Variants in ADAP1 observed in about 807,000 individuals in gnomAD.
ADAP1 encodes the protein ArfGAP with dual PH domains 1.
In ADAP1, 31 loss-of-function variants were observed where a neutral mutation model predicts 54.9. The observed-to-expected ratio is 0.56, with a 90% CI of 0.42 to 0.76. The LOEUF (loss-of-function observed/expected upper bound fraction) is 0.76. Ranked by LOEUF, ADAP1 falls within the 30% of genes least tolerant of loss-of-function variation. The pLI, the probability that ADAP1 is intolerant of heterozygous loss-of-function variation, is 0.00. For missense variants in ADAP1, 535 were observed against 512.4 expected, an observed-to-expected ratio of 1.04 and a Z score of -0.42; for synonymous variants, 313 against 202.6, an observed-to-expected ratio of 1.55 and a Z score of -4.63.
rs115174946 is a variant in ADAP1 at position 924,994 on chromosome 7, G to A, written c.305+1559C>T. Reference sequence around the variant, plus strand: ...GAATGAGAGTACGGGGGGCCAGGGCGCCAGGCCTGCCCGGGTGGGAAGGGA... The same window carrying A: ...GAATGAGAGTACGGGGGGCCAGGGCACCAGGCCTGCCCGGGTGGGAAGGGA... On this transcript the variant is annotated intron_variant, in intron 3 of 10. Transcript: ENST00000265846. Among the ~76,000 whole-genome samples the A allele has an allele frequency of 6.7e-3, 1,016 of 152,098 alleles. 11 individuals carry two copies. The highest frequency in any genetic ancestry group is 0.02 in the Middle Eastern group (6 of 294).
chr7:940,035 C>G (rs1284955075), intron 1 of ADAP1, among the ~76,000 whole-genome samples: 1 of 152,090 alleles, frequency 6.6e-6, no homozygotes, highest in Non-Finnish European at 1.5e-5. Context: ...ACAAGGTCCC[C>G]CGGTGTAAAG....
chr7:935,018 C>T (rs2128108692), intron 2 of ADAP1: 1 of 395,474 alleles, frequency 2.5e-6, no homozygotes, highest in South Asian at 1.8e-5. Context: ...CATTCTGTTT[C>T]CTTAGAGACA....
intron 1 of ADAP1, among the ~76,000 whole-genome samples, chr7:947,214 G>GTTTTT (rs373444087): frequency 7.4e-4 from 62 of 84,180 alleles, no homozygotes; most frequent in Non-Finnish European, 1.2e-3. Flanking sequence ...TGATTTTTTG[G>GTTTTT]TTTTTTTTTT....
At chr7:902,006 A>G (rs1303729282) in intron 6 of ADAP1, among the ~76,000 whole-genome samples, 2 of 151,862 alleles carry the variant, frequency 1.3e-5, no homozygotes, top group African/African-American at 4.8e-5. Context: ...GGTGCACTCC[A>G]CGCTGGAGCT....
rs1161717018 is a variant in ADAP1 at position 909,157 on chromosome 7, G to GACC, written c.389-3986_389-3985insGGT. 2.9e-3 allele frequency among the ~76,000 whole-genome samples: 416 copies of GACC among 143,198 alleles called. 103 individuals carry two copies. The highest frequency in any genetic ancestry group is 8.8e-3 in the Admixed American group (126 of 14,358). The allele number at this position is 143,198 out of a possible 152,430, so 93.9% of individuals were successfully genotyped here. On this transcript the variant is annotated intron_variant, in intron 4 of 10. Transcript: ENST00000265846. ...ACAGCAGGCGCCAGCGGGAACCCCGGTCCTCCCGACAGCAGGCGCCAGCGG... is the reference window on the plus strand; with the variant it reads ...ACAGCAGGCGCCAGCGGGAACCCCGGACCTCCTCCCGACAGCAGGCGCCAGCGG...
In ADAP1 at chr7:904,284, T is replaced by C; in HGVS notation, c.502-12A>G. ...TTGGGCTCCTTGGCCTGAGAAGGGG[T>C]GGGGTCTAAGCACCTCACAGGGGCC... On this transcript the variant is annotated splice_polypyrimidine_tract_variant and intron_variant, in intron 5 of 10. Coordinates refer to ENST00000265846, the MANE Select transcript of ADAP1 (RefSeq NM_006869.4). 6.3e-7 allele frequency: 1 copy of C among 1,578,420 alleles called. No individual in the cohort carries two copies. The highest frequency in any genetic ancestry group is 1.2e-5 in the South Asian group (1 of 85,404).
In ADAP1 at chr7:904,229, G is replaced by A. The variant is rs1312754147; in HGVS notation, c.545C>T (p.Ala182Val). Residue 182 changes from alanine (A) to valine (V), a missense_variant, in exon 6 of 11, where the codon GCC (alanine) becomes GTC (valine). Physicochemically the swap from Ala to Val is moderately conservative, Grantham distance 64. Coordinates refer to ENST00000265846, the MANE Select transcript of ADAP1 (RefSeq NM_006869.4). ...KAVMKIEHLN[A>V]TFQPAKIGHP... ...GCCGATCTTGGCCGGCTGGAAGGTG[G>A]CGTTCAGGTGCTCGATCTTCATCAC... 6 of 1,609,874 alleles carry A rather than the reference G, an allele frequency of 3.7e-6. No homozygotes were observed. The highest frequency in any genetic ancestry group is 1.3e-5 in the African/African-American group (1 of 74,838).
In ADAP1 at chr7:940,111, G is replaced by A. The variant is rs148780428; in HGVS notation, c.83-4606C>T. ...TATTTGTGTGTGAGCATATACATAC[G>A]TGCGTGCATACCCACAGACACAACA... On this transcript the variant is annotated intron_variant, in intron 1 of 10. Coordinates refer to ENST00000265846, the MANE Select transcript of ADAP1 (RefSeq NM_006869.4). Among the ~76,000 whole-genome samples, 556 of 152,158 alleles carry A rather than the reference G, an allele frequency of 3.7e-3. 2 individuals carry two copies. Among genetic ancestry groups the A allele is most frequent in the African/African-American group, 0.012 (498 of 41,504 alleles).
At position 954,532 on chromosome 7, in the gene ADAP1, C is replaced by T; in HGVS notation, c.-55G>A. On this transcript the variant is annotated 5_prime_UTR_variant, in exon 1 of 11. Coordinates refer to ENST00000265846, the MANE Select transcript of ADAP1 (RefSeq NM_006869.4). ...GGGGCCGGGGCCGGGAGCGTCAGCC[C>T]GGCTCGCTAGGGCCCCGCGCAGGCC... is the stretch of plus-strand genomic sequence containing the variant. 1 of 999,932 alleles carries T rather than the reference C, an allele frequency of 1.0e-6. No individual in the cohort carries two copies. Among genetic ancestry groups the T allele is most frequent in the Non-Finnish European group, 1.2e-6 (1 of 841,596 alleles). The allele number at this position is 999,932 out of a possible 1,614,324, so 61.9% of individuals were successfully genotyped here.
upstream of ADAP1, chr7:955,285 G>A: frequency 6.5e-7 from 1 of 1,549,464 alleles, no homozygotes; most frequent in Non-Finnish European, 8.7e-7. Context: ...ACCTGGTTTT[G>A]ATGTCACCTC....
intron 2 of ADAP1, among the ~76,000 whole-genome samples, chr7:933,891 C>T (rs878922902): frequency 0.013 from 131 of 10,132 alleles, 1 homozygote; most frequent in Non-Finnish European, 0.018. Flanking sequence ...AGCCGGGGAC[C>T]GGGGTCAGTG....
intron 2 of ADAP1, among the ~76,000 whole-genome samples, chr7:934,774 G>A (rs1432157198): frequency 6.6e-6 from 1 of 152,192 alleles, no homozygotes; most frequent in Non-Finnish European, 1.5e-5. Flanking sequence ...CCCCATAGGG[G>A]CGTCTCTAGG....
intron 5 of ADAP1, 74 bp downstream of exon 5, chr7:904,986 C>A: frequency 2.9e-6 from 4 of 1,357,568 alleles, no homozygotes; most frequent in Non-Finnish European, 4.2e-6. Context: ...GACGCGGCCA[C>A]CACAGGCCCC....
At chr7:915,274 G>A (rs1454634027) in intron 4 of ADAP1, among the ~76,000 whole-genome samples, 14 of 152,040 alleles carry the variant, frequency 9.2e-5, no homozygotes, top group South Asian at 2.1e-4. Flanking sequence ...GCACACACCC[G>A]TACATCTCGT....
intron 4 of ADAP1, among the ~76,000 whole-genome samples, chr7:908,455 C>T (rs1322475323): frequency 3.9e-5 from 6 of 152,168 alleles, no homozygotes; most frequent in African/African-American, 1.4e-4. Context: ...CGGAGCTCCC[C>T]GCTCCCCAAG....
rs1418843506 is a variant in ADAP1 at position 945,361 on chromosome 7, G to C, written c.82+9035C>G. Among the ~76,000 whole-genome samples the C allele has an allele frequency of 6.6e-6, 1 of 152,240 alleles. No homozygotes were observed. Among genetic ancestry groups the C allele is most frequent in the Non-Finnish European group, 1.5e-5 (1 of 68,038 alleles). Reference sequence around the variant, plus strand: ...AGGGCCCCCACAGGCCCACGCAGGAGAGCCTCTCCCTAAGCCTGGGCTGCA... The same window carrying C: ...AGGGCCCCCACAGGCCCACGCAGGACAGCCTCTCCCTAAGCCTGGGCTGCA... On this transcript the variant is annotated intron_variant, in intron 1 of 10. Coordinates refer to ENST00000265846, the MANE Select transcript of ADAP1 (RefSeq NM_006869.4). This position sits in a 1 kb window ranked among gnomAD's most constrained non-coding sequence, Gnocchi z 4.2.
chr7:900,702 G>GC (rs1844758036), intron 6 of ADAP1, 86 bp from the exon 7 acceptor site: 1 of 1,198,606 alleles, frequency 8.3e-7, no homozygotes. Flanking sequence ...CCACAGAGGG[G>GC]CCGCTTCCCC....
chr7:945,919 A>G lies in ADAP1; in HGVS notation c.82+8477T>C, dbSNP rs1847124836. ...CTGGGGCACGGGCAGGGGGAAGGGCAGTAGCCAAGCCTGTCCATGGGGCCC... is the reference window on the plus strand; with the variant it reads ...CTGGGGCACGGGCAGGGGGAAGGGCGGTAGCCAAGCCTGTCCATGGGGCCC... On this transcript the variant is annotated intron_variant, in intron 1 of 10. Transcript: ENST00000265846. This position sits in a 1 kb window ranked among gnomAD's most constrained non-coding sequence, Gnocchi z 4.2. 6.8e-6 allele frequency: 5 copies of G among 736,818 alleles called. No homozygotes were observed. The highest frequency in any genetic ancestry group is 8.3e-6 in the Non-Finnish European group (5 of 603,168). 45.6% of individuals were successfully genotyped at this position (736,818 alleles called of 1,614,324 possible). A position where few individuals can be genotyped will look rare whatever the true frequency, so the allele number is the denominator to read the frequency against.
chr7:914,635 C>G (rs1266364433), intron 4 of ADAP1, among the ~76,000 whole-genome samples: 3 of 152,164 alleles, frequency 2.0e-5, no homozygotes, highest in Non-Finnish European at 4.4e-5. Flanking sequence ...GCTCCCTCAT[C>G]CATCCAGCAA....
Sources: gnomAD v4.1 joint callset for allele counts (sites outside exome capture counted in the v4.1 genomes callset) on GRCh38, gnomAD v4.1.1 for gene constraint, Gnocchi (gnomAD v3.1) non-coding constraint, MANE v1.5 for transcripts, NCBI Gene and HGNC (gene_info 2026-07-23, HGNC 2026-07-21) for gene names.